Variants in PTPN12 observed in about 807,000 individuals in gnomAD.
PTPN12 encodes protein tyrosine phosphatase non-receptor type 12, also known as tyrosine-protein phosphatase non-receptor type 12.
In PTPN12, 29 loss-of-function variants were observed where a neutral mutation model predicts 97.6. That is an observed-to-expected ratio of 0.30 (90% CI 0.22 to 0.41). The LOEUF is 0.41. PTPN12 is among the 10% of genes least tolerant of loss of function. The pLI is 1.00. For missense variants in PTPN12, 819 were observed against 926.0 expected (o/e 0.88, Z 1.50); for synonymous variants, 327 against 300.4 (o/e 1.09, Z -0.91).
At chr7:77,581,736 T>C (rs922753083) in intron 3 of PTPN12, among the ~76,000 whole-genome samples, 2 of 152,218 alleles carry the variant, frequency 1.3e-5, no homozygotes, top group African/African-American at 2.4e-5. Context: ...TTCTTTTTTA[T>C]TTCTTCTTTC....
At chr7:77,609,478 C>T (rs1243148076) in intron 9 of PTPN12, among the ~76,000 whole-genome samples, 1 of 151,414 alleles carries the variant, frequency 6.6e-6, no homozygotes, top group Non-Finnish European at 1.5e-5. Context: ...CACCGTGTTT[C>T]GGGCTGGTCT....
At chr7:77,587,283 A>T (rs760128264) in intron 5 of PTPN12, among the ~76,000 whole-genome samples, 42 of 152,154 alleles carry the variant, frequency 2.8e-4, no homozygotes, top group Non-Finnish European at 3.7e-4. Context: ...TGCAGAATGG[A>T]TGTTGTATTA....
chr7:77,583,469 A>G, intron 3 of PTPN12, 86 bp from the exon 4 acceptor site: 1 of 825,006 alleles, frequency 1.2e-6, no homozygotes. Context: ...CAATATTACT[A>G]ATACAATTTG....
At chr7:77,604,903 G>C (rs1284063022) in intron 8 of PTPN12, 1 of 432,802 alleles carries the variant, frequency 2.3e-6, no homozygotes, top group African/African-American at 2.0e-5. Context: ...GCCACTTACT[G>C]AACGGTCTGA....
intron 1 of PTPN12, among the ~76,000 whole-genome samples, chr7:77,545,201 T>C (rs1412287578): frequency 6.6e-6 from 1 of 152,182 alleles, no homozygotes; most frequent in Non-Finnish European, 1.5e-5. Context: ...TCTTCAAAAA[T>C]AGTGAATTTG....
chr7:77,564,528 G>A (rs1043600463), intron 1 of PTPN12, among the ~76,000 whole-genome samples: 1 of 152,038 alleles, frequency 6.6e-6, no homozygotes, highest in Non-Finnish European at 1.5e-5. Context: ...AATTGCCTCA[G>A]AAATTTTCCG....
At chr7:77,614,412 A>G (rs1453963965) in intron 11 of PTPN12, among the ~76,000 whole-genome samples, 1 of 152,204 alleles carries the variant, frequency 6.6e-6, no homozygotes, top group East Asian at 1.9e-4. Context: ...CGGGAATATA[A>G]TAAAAAAGTC....
At chr7:77,547,146 A>G (rs368145205) in intron 1 of PTPN12, among the ~76,000 whole-genome samples, 4 of 151,904 alleles carry the variant, frequency 2.6e-5, no homozygotes, top group African/African-American at 7.2e-5. Flanking sequence ...TCATCCATCC[A>G]TGGTCTCTGT....
At position 77,570,843 on chromosome 7, in the gene PTPN12, A is replaced by G. The variant is rs142846398; in HGVS notation, c.100-235A>G. On this transcript the variant is annotated intron_variant, in intron 1 of 17. Transcript: ENST00000248594. ...CTTATTAATGATATCTTTAAATTAT[A>G]TTACTTTTATTCTGTTTTCCCTCTT... Among the ~76,000 whole-genome samples, 540 of 152,360 alleles carry G rather than the reference A, an allele frequency of 3.5e-3. 1 individual carries two copies. The highest frequency in any genetic ancestry group is 5.3e-3 in the Non-Finnish European group (360 of 68,032).
At chr7:77,579,850 C>T (rs1470957747) in intron 2 of PTPN12, among the ~76,000 whole-genome samples, 2 of 152,174 alleles carry the variant, frequency 1.3e-5, no homozygotes. Flanking sequence ...TTAAAACATA[C>T]AATCCTTTGC....
chr7:77,586,566 G>C (rs1183023776), intron 5 of PTPN12, among the ~76,000 whole-genome samples: 3 of 152,128 alleles, frequency 2.0e-5, no homozygotes, highest in African/African-American at 7.2e-5. Flanking sequence ...CCTGGGCAGA[G>C]GGAGACTCCA....
chr7:77,573,211 C>T (rs1440022391), intron 2 of PTPN12, among the ~76,000 whole-genome samples: 1 of 151,148 alleles, frequency 6.6e-6, no homozygotes, highest in Non-Finnish European at 1.5e-5. Flanking sequence ...TTGCAAAATA[C>T]ACTCCACTTT....
At position 77,623,267 on chromosome 7, in the gene PTPN12, G is replaced by A. The variant is rs190259426; in HGVS notation, c.1026-3438G>A. Among the ~76,000 whole-genome samples, 53 of 152,060 alleles carry A rather than the reference G, an allele frequency of 3.5e-4. 2 individuals are homozygous for A. In the East Asian group the frequency reaches 9.5e-3, roughly 27 times the overall value. ...TAAATTAAAAACTTTGAAAATACTC[G>A]ATTAACAAACCCATATATCATACTC... On this transcript the variant is annotated intron_variant, in intron 12 of 17. Transcript: ENST00000248594.
At chr7:77,580,927 C>T (rs934567807) in intron 2 of PTPN12, among the ~76,000 whole-genome samples, 1 of 152,182 alleles carries the variant, frequency 6.6e-6, no homozygotes, top group African/African-American at 2.4e-5. Flanking sequence ...ACCCTAGACT[C>T]TGCTCTAGTA....
intron 1 of PTPN12, among the ~76,000 whole-genome samples, chr7:77,555,257 A>G (rs1445677171): frequency 1.3e-5 from 2 of 150,338 alleles, no homozygotes; most frequent in Non-Finnish European, 3.0e-5. Context: ...ATATGCCTAC[A>G]TAAGTTATTT....
chr7:77,599,893 A>G (rs1221374280), intron 7 of PTPN12, among the ~76,000 whole-genome samples: 2 of 152,216 alleles, frequency 1.3e-5, no homozygotes, highest in East Asian at 1.9e-4. Context: ...ACATTCTTCA[A>G]AGTTATTGAG....
chr7:77,577,002 C>T (rs1487942056), intron 2 of PTPN12, among the ~76,000 whole-genome samples: 2 of 152,176 alleles, frequency 1.3e-5, no homozygotes, highest in African/African-American at 4.8e-5. Context: ...TGTGTCATTG[C>T]TTTTAGGCCT....
intron 13 of PTPN12, among the ~76,000 whole-genome samples, chr7:77,628,229 G>T (rs1016221695): frequency 3.3e-5 from 5 of 152,094 alleles, no homozygotes; most frequent in Admixed American, 3.3e-4. Flanking sequence ...GCTCAATTCA[G>T]TAGTGAGTGG....
chr7:77,639,459 A>G lies in PTPN12; in HGVS notation c.*179A>G. On this transcript the variant is annotated 3_prime_UTR_variant, in exon 18 of 18. Transcript: ENST00000248594. ...CTACACTTAGGAAAAAGTATTACAT[A>G]TGGTTTATTTTGAAACTTCAAGTAT... 1 of 535,484 alleles carries G rather than the reference A, an allele frequency of 1.9e-6. No individual in the cohort carries two copies. The allele number at this position is 535,484 out of a possible 1,614,324, so 33.2% of individuals were successfully genotyped here. A position where few individuals can be genotyped will look rare whatever the true frequency, so the allele number is the denominator to read the frequency against.
Sources: gnomAD v4.1 joint callset for allele counts (sites outside exome capture counted in the v4.1 genomes callset) on GRCh38, gnomAD v4.1.1 for gene constraint, MANE v1.5 for transcripts, NCBI Gene and HGNC (gene_info 2026-07-23, HGNC 2026-07-21) for gene names.